The following MROH1 variants were observed in gnomAD, a reference collection of about 807,000 sequenced individuals.
MROH1 encodes the protein maestro heat like repeat family member 1.
In MROH1, 117 loss-of-function variants were observed where a neutral mutation model predicts 116.5. The observed-to-expected ratio is 1.00, with a 90% CI of 0.86 to 1.17. The LOEUF (loss-of-function observed/expected upper bound fraction) is 1.17. Ranked by LOEUF, MROH1 falls within the 50% of genes most tolerant of loss-of-function variation. The probability of loss-of-function intolerance (pLI) is 0.00; values close to 1 mark genes in which losing one functional copy is unlikely to be tolerated. For missense variants in MROH1, 1,873 were observed against 1,338.5 expected, an observed-to-expected ratio of 1.40 and a Z score of -6.23; for synonymous variants, 921 against 583.9, an observed-to-expected ratio of 1.58 and a Z score of -8.32.
rs372353372 is a variant in MROH1, at chr8:144,189,553, CCTCTGCCCGCTCCCAG to C, written c.563-1206_563-1191del. 7.7e-3 allele frequency among the ~76,000 whole-genome samples: 1,170 copies of C among 152,252 alleles called. 11 individuals are homozygous for C. The highest frequency in any genetic ancestry group is 0.023 in the African/African-American group (964 of 41,530). ...GAAGCCTGGGTGGCCACCTGCCCAG[CCTCTGCCCGCTCCCAG>C]CTCTGCCCGCTCCCAGCTCTGCCCT... On this transcript the variant is annotated intron_variant, in intron 7 of 43. Coordinates refer to ENST00000326134, the MANE Select transcript of MROH1 (RefSeq NM_032450.3).
intron 7 of MROH1, among the ~76,000 whole-genome samples, chr8:144,189,172 A>G (rs539650770): frequency 2.7e-4 from 41 of 152,308 alleles, no homozygotes; most frequent in African/African-American, 7.9e-4. Context: ...TGGGCCCATC[A>G]GAAGAACTCA....
chr8:144,172,446 C>G (rs2131113804), intron 4 of MROH1, among the ~76,000 whole-genome samples: 1 of 149,142 alleles, frequency 6.7e-6, no homozygotes, highest in East Asian at 2.0e-4. Context: ...GAGTCTTGCT[C>G]TGTCGCCCAA....
chr8:144,155,182 C>G (rs1285424974), intron 1 of MROH1, among the ~76,000 whole-genome samples: 2 of 152,014 alleles, frequency 1.3e-5, no homozygotes, highest in Non-Finnish European at 2.9e-5. Flanking sequence ...AACTCCTGAC[C>G]TCAGTTAATG....
Position 144,182,935 on chromosome 8 carries a change from C to T in MROH1, c.562+2412C>T, listed in dbSNP as rs1313598402. Among the ~76,000 whole-genome samples, 1 of 152,104 alleles carries T rather than the reference C, an allele frequency of 6.6e-6. No homozygotes were observed. Among genetic ancestry groups the T allele is most frequent in the Non-Finnish European group, 1.5e-5 (1 of 68,014 alleles). Reference sequence around the variant, plus strand: ...CTACTAAAAATACAAAAAAATTAGCCGGGTGTGGTGGCGCATGTCTGTAAT... The same window carrying T: ...CTACTAAAAATACAAAAAAATTAGCTGGGTGTGGTGGCGCATGTCTGTAAT... On this transcript the variant is annotated intron_variant, in intron 7 of 43. Transcript: ENST00000326134. The surrounding 1 kb of genome is among the most constrained non-coding windows in gnomAD (Gnocchi z 4.1).
chr8:144,206,945 A>G (rs1832954918), intron 12 of MROH1, among the ~76,000 whole-genome samples: 1 of 150,400 alleles, frequency 6.6e-6, no homozygotes, highest in Non-Finnish European at 1.5e-5. Context: ...AGGCAGGAGA[A>G]TTGCTTGAAC....
chr8:144,172,743 A>G (rs1822823537), intron 4 of MROH1, among the ~76,000 whole-genome samples: 1 of 151,972 alleles, frequency 6.6e-6, no homozygotes, highest in East Asian at 1.9e-4. Context: ...CAGTCAGAAA[A>G]TCTCTGAATC....
rs535903479 is a variant in MROH1, at chr8:144,217,281, G to A, written c.1142-3319G>A. On this transcript the variant is annotated intron_variant, in intron 12 of 43. Transcript: ENST00000326134. Reference sequence around the variant, plus strand: ...GACACCTGTGCTTTCTAACAGTTCAGTGTACACAAACTTTGTGCACAAAAT... The same window carrying A: ...GACACCTGTGCTTTCTAACAGTTCAATGTACACAAACTTTGTGCACAAAAT... 5.9e-5 allele frequency among the ~76,000 whole-genome samples: 9 copies of A among 152,330 alleles called. No individual in the cohort carries two copies. In the East Asian group the frequency reaches 1.5e-3, roughly 26 times the overall value.
intron 12 of MROH1, among the ~76,000 whole-genome samples, chr8:144,204,905 A>G (rs1832490037): frequency 6.6e-6 from 1 of 152,216 alleles, no homozygotes; most frequent in Non-Finnish European, 1.5e-5. Context: ...GTTATAAAGT[A>G]TGTATGTGTT....
At chr8:144,154,902 T>C (rs1817676200) in intron 1 of MROH1, among the ~76,000 whole-genome samples, 1 of 152,104 alleles carries the variant, frequency 6.6e-6, no homozygotes, top group Non-Finnish European at 1.5e-5. Context: ...CACTGCAACC[T>C]CTGCCTCCTG....
intron 10 of MROH1, among the ~76,000 whole-genome samples, chr8:144,194,638 C>T (rs942812657): frequency 1.3e-5 from 2 of 152,168 alleles, no homozygotes; most frequent in African/African-American, 4.8e-5. Flanking sequence ...TCCTGCAAGG[C>T]GTGGTGGCTC....
intron 10 of MROH1, among the ~76,000 whole-genome samples, chr8:144,193,743 G>C (rs1485380975): frequency 6.6e-6 from 1 of 151,792 alleles, no homozygotes; most frequent in Non-Finnish European, 1.5e-5. Context: ...GAGTAGCTGG[G>C]ATTACAGGTG....
At chr8:144,230,790 C>T (rs1246481112) in intron 14 of MROH1, among the ~76,000 whole-genome samples, 1 of 136,580 alleles carries the variant, frequency 7.3e-6, no homozygotes, top group Non-Finnish European at 1.6e-5. Context: ...TTTTTCTTCA[C>T]TAAAAGGTTT....
intron 11 of MROH1, among the ~76,000 whole-genome samples, chr8:144,199,734 T>A (rs1230066124): frequency 6.6e-6 from 1 of 151,580 alleles, no homozygotes; most frequent in East Asian, 1.9e-4. Flanking sequence ...GTCACCCTGC[T>A]GGGGCCACAG....
intron 12 of MROH1, among the ~76,000 whole-genome samples, chr8:144,201,712 G>A (rs1831185364): frequency 6.6e-6 from 1 of 152,162 alleles, no homozygotes; most frequent in African/African-American, 2.4e-5. Flanking sequence ...TATAGAAGCA[G>A]CGTGACAAAG....
chr8:144,256,033 G>A (rs907451849), intron 35 of MROH1, among the ~76,000 whole-genome samples: 2 of 152,358 alleles, frequency 1.3e-5, no homozygotes, highest in East Asian at 1.9e-4. Flanking sequence ...GAGTGGAGTT[G>A]TGTGGAGTCT....
chr8:144,254,165 T>A (rs1843296134), intron 33 of MROH1, among the ~76,000 whole-genome samples: 1 of 152,232 alleles, frequency 6.6e-6, no homozygotes, highest in Non-Finnish European at 1.5e-5. Flanking sequence ...GAAATTTTTT[T>A]ATCTTCCTAT....
chr8:144,241,021 C>A lies in MROH1; in HGVS notation c.1965C>A (p.Thr655=), dbSNP rs1160911063. The A allele has an allele frequency of 5.2e-6, 4 of 771,224 alleles. No homozygotes were observed. 47.8% of individuals were successfully genotyped at this position (771,224 alleles called of 1,614,324 possible). A position where few individuals can be genotyped will look rare whatever the true frequency, so the allele number is the denominator to read the frequency against. Residue 655 remains threonine (T), a synonymous_variant, in exon 21 of 44, where the codon ACC becomes ACA. Coordinates refer to ENST00000326134, the MANE Select transcript of MROH1 (RefSeq NM_032450.3). ...KNFLYKCIGT[T]LGAASSKEVV... ...TCCTGTACAAATGCATAGGCACCACCCTGGGTGCTGCTTCAAGTAAGGAGG... is the reference window on the plus strand; with the variant it reads ...TCCTGTACAAATGCATAGGCACCACACTGGGTGCTGCTTCAAGTAAGGAGG...
At chr8:144,157,008 C>T (rs1455499478) in intron 1 of MROH1, among the ~76,000 whole-genome samples, 6 of 151,356 alleles carry the variant, frequency 4.0e-5, no homozygotes, top group East Asian at 2.0e-4. Flanking sequence ...CAGGCTGGAG[C>T]GCAGTGGCGT....
chr8:144,194,665 C>T (rs1829409036), intron 10 of MROH1, among the ~76,000 whole-genome samples: 1 of 152,148 alleles, frequency 6.6e-6, no homozygotes, highest in Non-Finnish European at 1.5e-5. Flanking sequence ...GTAATCCCAG[C>T]ACTTTGGGAG....
Sources: gnomAD v4.1 joint callset for allele counts (sites outside exome capture counted in the v4.1 genomes callset) on GRCh38, gnomAD v4.1.1 for gene constraint, Gnocchi (gnomAD v3.1) non-coding constraint, MANE v1.5 for transcripts, NCBI Gene and HGNC (gene_info 2026-07-23, HGNC 2026-07-21) for gene names.